OSBPL1A: variants seen among roughly 807,000 people sequenced by gnomAD.
OSBPL1A encodes the protein oxysterol binding protein like 1A, also known as oxysterol-binding protein-related protein 1.
A neutral mutation model predicts 137.1 loss-of-function variants in OSBPL1A; 80 were observed. The observed-to-expected ratio is 0.58, with a 90% CI of 0.49 to 0.70. OSBPL1A has a LOEUF of 0.70. Among genes scored for constraint, OSBPL1A ranks in the 30% least tolerant of loss-of-function variants. The pLI is 0.00. For synonymous variants in OSBPL1A, 365 were observed against 389.7 expected, an observed-to-expected ratio of 0.94 and a Z score of 0.75; for missense variants, 970 against 1,129.4, an observed-to-expected ratio of 0.86 and a Z score of 2.02.
At chr18:24,221,480 G>GA (rs1567955474) in intron 17 of OSBPL1A, among the ~76,000 whole-genome samples, 1 of 152,006 alleles carries the variant, frequency 6.6e-6, no homozygotes, top group Non-Finnish European at 1.5e-5. Flanking sequence ...GAATCAGACA[G>GA]AAAAAAAGTC....
At chr18:24,164,928 T>C (rs1219903668) in intron 27 of OSBPL1A, 137 bp downstream of exon 27, 7 of 807,508 alleles carry the variant, frequency 8.7e-6, no homozygotes, top group Non-Finnish European at 1.4e-5. Flanking sequence ...TAACTTTTTT[T>C]CAGGCCTGGG....
intron 13 of OSBPL1A, among the ~76,000 whole-genome samples, chr18:24,307,186 G>A (rs1250825918): frequency 2.0e-5 from 3 of 152,014 alleles, no homozygotes; most frequent in Non-Finnish European, 4.4e-5. Flanking sequence ...AAGAAGCTGA[G>A]GCAGGAGGAT....
At chr18:24,176,637 G>C (rs957700662) in intron 21 of OSBPL1A, among the ~76,000 whole-genome samples, 3 of 152,002 alleles carry the variant, frequency 2.0e-5, no homozygotes, top group African/African-American at 4.8e-5. Context: ...ATTTTTTTTA[G>C]TAGGCAATTA....
Position 24,181,082 on chromosome 18 carries a change from G to A in OSBPL1A, c.1812+63C>T, listed in dbSNP as rs1262679811. 2.6e-6 allele frequency: 4 copies of A among 1,548,714 alleles called. No homozygotes were observed. In the South Asian group the frequency reaches 3.6e-5, roughly 14 times the overall value. On this transcript the variant is annotated intron_variant, in intron 19 of 27. Transcript: ENST00000319481. ...ACACTAATTGTGTGAACGTGTGTGT[G>A]TTCGGGGCTGGGTTGGTAGCAAGGT...
At chr18:24,383,371 A>C (rs1906741600) in intron 1 of OSBPL1A, among the ~76,000 whole-genome samples, 1 of 152,232 alleles carries the variant, frequency 6.6e-6, no homozygotes. Context: ...GTTTTTTATA[A>C]CATTTTCCTT....
At chr18:24,322,106 C>CT (rs71266986) in intron 7 of OSBPL1A, among the ~76,000 whole-genome samples, 3,621 of 122,706 alleles carry the variant, frequency 0.03, 243 homozygotes, top group African/African-American at 0.1. Flanking sequence ...AAATATGTGA[C>CT]TTTTTTTTTT....
rs185451355 is a variant in OSBPL1A at position 24,346,710 on chromosome 18, T to C, written c.283-5052A>G. On this transcript the variant is annotated intron_variant, in intron 4 of 27. Transcript: ENST00000319481. ...ACCACATGTTTATCTATTAAATAAC[T>C]AATGAATATTCGAGTCATTTCTACT... 8.6e-4 allele frequency among the ~76,000 whole-genome samples: 131 copies of C among 152,314 alleles called. 1 individual carries two copies. Among genetic ancestry groups the C allele is most frequent in the Non-Finnish European group, 9.7e-4 (66 of 68,018 alleles).
intron 24 of OSBPL1A, among the ~76,000 whole-genome samples, chr18:24,169,393 G>A (rs527562884): frequency 8.5e-5 from 13 of 152,298 alleles, no homozygotes; most frequent in African/African-American, 1.7e-4. Context: ...AAGCTGGGCC[G>A]CCTGCATTTC....
At chr18:24,207,869 C>T (rs2087419627) in intron 17 of OSBPL1A, among the ~76,000 whole-genome samples, 2 of 152,132 alleles carry the variant, frequency 1.3e-5, no homozygotes, top group African/African-American at 2.4e-5. Context: ...CCTCAGCCTC[C>T]GGAGTAGCTG....
chr18:24,199,379 AGCTCCCCCG>A (rs1429569116), intron 17 of OSBPL1A, among the ~76,000 whole-genome samples: 2 of 151,486 alleles, frequency 1.3e-5, no homozygotes, highest in African/African-American at 2.4e-5. Context: ...CCTTGCCCCC[AGCTCCCCCG>A]GCTCCCCCAG....
chr18:24,241,827 A>G (rs1347808988), intron 15 of OSBPL1A, among the ~76,000 whole-genome samples: 3 of 152,170 alleles, frequency 2.0e-5, no homozygotes, highest in African/African-American at 7.2e-5. Context: ...ACATGCACAC[A>G]TATGTTTATT....
At chr18:24,333,735 G>C (rs80248165) in intron 6 of OSBPL1A, among the ~76,000 whole-genome samples, 1 of 152,300 alleles carries the variant, frequency 6.6e-6, no homozygotes, top group Non-Finnish European at 1.5e-5. Flanking sequence ...GGTCTTCTAA[G>C]GTGGCGGGGA....
At position 24,377,438 on chromosome 18, in the gene OSBPL1A, T is replaced by C; in HGVS notation, c.96A>G (p.Glu32=). ...RQLLETMARN[E]VIADINCKGR... ...CTTTGCAATTAATGTCAGCAATCAC[T>C]TCATTCCTCGCCATGGTCTCTAATA... Residue 32 remains glutamate, a synonymous_variant, in exon 2 of 28, where the codon GAA becomes GAG. Transcript: ENST00000319481. The C allele has an allele frequency of 6.2e-7, 1 of 1,610,004 alleles. No individual in the cohort carries two copies. Among genetic ancestry groups the C allele is most frequent in the Non-Finnish European group, 8.5e-7 (1 of 1,179,188 alleles).
chr18:24,197,304 G>A (rs1049664297), intron 17 of OSBPL1A, among the ~76,000 whole-genome samples: 9 of 152,098 alleles, frequency 5.9e-5, no homozygotes, highest in African/African-American at 1.7e-4. Context: ...CCGAGGTCAC[G>A]CCATTGCACT....
intron 16 of OSBPL1A, 70 bp downstream of exon 16, chr18:24,239,150 G>C: frequency 6.4e-7 from 1 of 1,559,200 alleles, no homozygotes; most frequent in Non-Finnish European, 8.7e-7. Context: ...GTGGACTCAA[G>C]GGGACATTGC....
intron 14 of OSBPL1A, among the ~76,000 whole-genome samples, chr18:24,294,182 A>G (rs1318232714): frequency 6.6e-6 from 1 of 151,588 alleles, no homozygotes; most frequent in Non-Finnish European, 1.5e-5. Context: ...TAGTGCACCC[A>G]TCACCTGAGC....
At chr18:24,381,390 C>T (rs550541279) in intron 1 of OSBPL1A, among the ~76,000 whole-genome samples, 3 of 152,216 alleles carry the variant, frequency 2.0e-5, no homozygotes, top group East Asian at 1.9e-4. Context: ...TTGCTAAAAC[C>T]GGATTTTACA....
In OSBPL1A at chr18:24,186,933, A is replaced by G. The variant is rs1206442653; in HGVS notation, c.1678-5654T>C. On this transcript the variant is annotated intron_variant, in intron 18 of 27. Coordinates refer to ENST00000319481, the MANE Select transcript of OSBPL1A (RefSeq NM_080597.4). ...AAAAAAAAAAAAAAAAAAAAAAAAA[A>G]TTCAGACAGGCAAAAGGAAAGGCCA... Among the ~76,000 whole-genome samples the G allele has an allele frequency of 3.6e-5, 5 of 139,076 alleles. No individual in the cohort carries two copies. The Admixed American group carries it at 3.7e-4, about 10-fold the overall frequency. The allele number at this position is 139,076 out of a possible 152,430, so 91.2% of individuals were successfully genotyped here.
At chr18:24,304,859 G>C (rs766574549) in intron 13 of OSBPL1A, among the ~76,000 whole-genome samples, 5 of 152,132 alleles carry the variant, frequency 3.3e-5, no homozygotes, top group Admixed American at 2.0e-4. Context: ...ACTCTCCTTT[G>C]TTTTGAGGGC....
Sources: gnomAD v4.1 joint callset for allele counts (sites outside exome capture counted in the v4.1 genomes callset) on GRCh38, gnomAD v4.1.1 for gene constraint, MANE v1.5 for transcripts, NCBI Gene and HGNC (gene_info 2026-07-23, HGNC 2026-07-21) for gene names.